The following MTFR1 variants were observed in gnomAD, a reference collection of about 807,000 sequenced individuals.
The protein encoded by MTFR1 is chondrocyte protein with a poly-proline region.
A neutral mutation model predicts 38.8 loss-of-function variants in MTFR1; 28 were observed. The ratio of observed to expected loss-of-function variants is 0.72; its 90% CI spans 0.53 to 0.99. MTFR1 has a LOEUF of 0.99. Among genes scored for constraint, MTFR1 ranks in the 50% least tolerant of loss-of-function variants. The pLI, the probability that MTFR1 is intolerant of heterozygous loss-of-function variation, is 0.00. For synonymous variants in MTFR1, 145 were observed against 137.0 expected, an observed-to-expected ratio of 1.06 and a Z score of -0.41; for missense variants, 358 against 395.5, an observed-to-expected ratio of 0.91 and a Z score of 0.81.
At chr8:65,739,400 T>C (rs1807301338) in intron 3 of MTFR1, 1 of 1,296,686 alleles carries the variant, frequency 7.7e-7, no homozygotes, top group Admixed American at 4.1e-5. Context: ...TTTGGCTGGT[T>C]TGTTATAGAG....
Position 65,669,915 on chromosome 8 carries a change from T to A in MTFR1, c.-38T>A, listed in dbSNP as rs1172664666. 6.4e-7 allele frequency: 1 copy of A among 1,563,870 alleles called. No individual in the cohort carries two copies. Among genetic ancestry groups the A allele is most frequent in the Non-Finnish European group, 8.7e-7 (1 of 1,143,294 alleles). On this transcript the variant is annotated 5_prime_UTR_variant, in exon 2 of 8. Coordinates refer to ENST00000262146, the MANE Select transcript of MTFR1 (RefSeq NM_014637.4). ...GTGCTGCTATGTATGCCTGAAGAAG[T>A]ACTTGAAATGCAAATTTGGGGAGAC...
In MTFR1 at chr8:65,707,049, A is replaced by C. The variant is rs781343727; in HGVS notation, c.557A>C (p.His186Pro). 1.4e-5 allele frequency: 23 copies of C among 1,609,110 alleles called. No individual in the cohort carries two copies. The highest frequency in any genetic ancestry group is 1.8e-5 in the Non-Finnish European group (21 of 1,178,654). Residue 186 changes from histidine to proline, a missense_variant, in exon 6 of 8, where the codon CAC (histidine) becomes CCC (proline). By Grantham distance (77) the His-to-Pro change is moderately conservative. Coordinates refer to ENST00000262146, the MANE Select transcript of MTFR1 (RefSeq NM_014637.4). ...DSTTFGTIPPHPPPPPPPLPP... is the reference protein window; with the variant it reads ...DSTTFGTIPPPPPPPPPPLPP... ...ACCACATTTGGTACCATACCACCACACCCTCCACCTCCCCCACCGCCCCTG... is the reference window on the plus strand; with the variant it reads ...ACCACATTTGGTACCATACCACCACCCCCTCCACCTCCCCCACCGCCCCTG...
intron 3 of MTFR1, among the ~76,000 whole-genome samples, chr8:65,768,800 G>A (rs1246564635): frequency 6.6e-6 from 1 of 152,092 alleles, no homozygotes; most frequent in East Asian, 1.9e-4. Flanking sequence ...ATGTAAATAT[G>A]TATGATAAAT....
At chr8:65,645,408 G>A (rs1808926638) in intron 1 of MTFR1, among the ~76,000 whole-genome samples, 1 of 152,224 alleles carries the variant, frequency 6.6e-6, no homozygotes, top group South Asian at 2.1e-4. Flanking sequence ...AACAACAGCA[G>A]CATTTTATTA....
At chr8:65,653,152 A>G (rs1201650924) in intron 1 of MTFR1, among the ~76,000 whole-genome samples, 1 of 152,246 alleles carries the variant, frequency 6.6e-6, no homozygotes, top group Admixed American at 6.5e-5. Flanking sequence ...TCCTGGAACA[A>G]ACTTTGATTG....
At chr8:65,708,244 G>C in intron 7 of MTFR1, 1 of 845,608 alleles carries the variant, frequency 1.2e-6, no homozygotes, top group Middle Eastern at 3.0e-4. Flanking sequence ...TGTTCATTTG[G>C]AAATTTGAAA....
chr8:65,769,077 G>A (rs771257710), intron 3 of MTFR1, among the ~76,000 whole-genome samples: 40 of 151,770 alleles, frequency 2.6e-4, no homozygotes, highest in Admixed American at 4.6e-4. Context: ...GTGAAACCCC[G>A]TCTCTACTAA....
intron 1 of MTFR1, among the ~76,000 whole-genome samples, chr8:65,648,437 T>C (rs574283747): frequency 6.6e-6 from 1 of 152,178 alleles, no homozygotes; most frequent in Non-Finnish European, 1.5e-5. Context: ...GAGTGGCTAG[T>C]AAAATGAAAA....
At chr8:65,695,066 C>T (rs890546442) in intron 4 of MTFR1, among the ~76,000 whole-genome samples, 3 of 151,992 alleles carry the variant, frequency 2.0e-5, no homozygotes, top group Admixed American at 6.6e-5. Context: ...CAGTGTGGAA[C>T]CATGGAAGAA....
At chr8:65,663,757 C>T (rs1314225984) in intron 1 of MTFR1, among the ~76,000 whole-genome samples, 1 of 149,800 alleles carries the variant, frequency 6.7e-6, no homozygotes, top group Non-Finnish European at 1.5e-5. Context: ...TTCTTTCCCC[C>T]TCCCCTTCCC....
downstream of MTFR1, among the ~76,000 whole-genome samples, chr8:65,771,859 A>T (rs1447351682): frequency 7.0e-6 from 1 of 142,594 alleles, no homozygotes; most frequent in Non-Finnish European, 1.5e-5. Context: ...TGGGCAACAG[A>T]TCGAGACTCC....
intron 3 of MTFR1, among the ~76,000 whole-genome samples, chr8:65,734,039 C>A (rs893303245): frequency 6.6e-6 from 1 of 152,180 alleles, no homozygotes; most frequent in African/African-American, 2.4e-5. Context: ...AGTCTGATTT[C>A]TCTTCTATAC....
chr8:65,707,693 T>G, intron 6 of MTFR1, 150 bp from the exon 7 acceptor site: 1 of 984,404 alleles, frequency 1.0e-6, no homozygotes, highest in South Asian at 1.7e-5. Context: ...AGCTCTAGGC[T>G]TCCATCTCAA....
At chr8:65,755,445 A>G (rs1388793743) in intron 3 of MTFR1, among the ~76,000 whole-genome samples, 1 of 152,184 alleles carries the variant, frequency 6.6e-6, no homozygotes, top group Non-Finnish European at 1.5e-5. Context: ...GGGGTTTACA[A>G]TTAACACCTT....
chr8:65,767,798 C>T (rs1808867721), intron 3 of MTFR1, among the ~76,000 whole-genome samples: 2 of 152,182 alleles, frequency 1.3e-5, no homozygotes, highest in Admixed American at 1.3e-4. Context: ...TCATCTGGAT[C>T]CTTTGCAATA....
rs372561908 is a variant in MTFR1 at position 65,682,972 on chromosome 8, T to C, written c.165+521T>C. 6.1e-4 allele frequency: 582 copies of C among 959,906 alleles called. 8 individuals carry two copies. The South Asian group carries it at 0.025, about 41-fold the overall frequency. The allele number at this position is 959,906 out of a possible 1,614,324, so 59.5% of individuals were successfully genotyped here. On this transcript the variant is annotated intron_variant, in intron 3 of 7. Transcript: ENST00000262146. Reference sequence around the variant, plus strand: ...AATTGTGGTTTTCGCAGTGAGGTGATAGTCAAACCGTGAATCAGGAGAACT... The same window carrying C: ...AATTGTGGTTTTCGCAGTGAGGTGACAGTCAAACCGTGAATCAGGAGAACT...
intron 4 of MTFR1, among the ~76,000 whole-genome samples, chr8:65,703,147 A>C (rs913274397): frequency 1.3e-5 from 2 of 151,696 alleles, no homozygotes; most frequent in African/African-American, 4.8e-5. Flanking sequence ...TAATCCCAAC[A>C]CTTTGGGAGG....
chr8:65,658,742 G>C (rs1809333389), intron 1 of MTFR1, among the ~76,000 whole-genome samples: 1 of 152,042 alleles, frequency 6.6e-6, no homozygotes, highest in Non-Finnish European at 1.5e-5. Flanking sequence ...AGAAAGTACA[G>C]ACATAAATAC....
chr8:65,701,283 T>C (rs1053908581), intron 4 of MTFR1, among the ~76,000 whole-genome samples: 1 of 152,244 alleles, frequency 6.6e-6, no homozygotes, highest in African/African-American at 2.4e-5. Flanking sequence ...TCTCAGATAC[T>C]TTTTGGTTTA....
Sources: gnomAD v4.1 joint callset for allele counts (sites outside exome capture counted in the v4.1 genomes callset) on GRCh38, gnomAD v4.1.1 for gene constraint, MANE v1.5 for transcripts, NCBI Gene and HGNC (gene_info 2026-07-23, HGNC 2026-07-21) for gene names.